Variants in KCNK10 observed in about 807,000 individuals in gnomAD.
KCNK10 encodes potassium two pore domain channel subfamily K member 10, also known as potassium channel subfamily K member 10.
A neutral mutation model predicts 47.7 loss-of-function variants in KCNK10; 25 were observed. The ratio of observed to expected loss-of-function variants is 0.52; its 90% CI spans 0.38 to 0.73. The LOEUF is 0.73. Among genes scored for constraint, KCNK10 ranks in the 30% least tolerant of loss-of-function variants. The pLI is 0.00. For synonymous variants in KCNK10, 303 were observed against 285.6 expected (o/e 1.06, Z -0.61); for missense variants, 563 against 714.5 (o/e 0.79, Z 2.42).
chr14:88,276,735 A>G (rs79362389), intron 1 of KCNK10, among the ~76,000 whole-genome samples: 2 of 152,320 alleles, frequency 1.3e-5, no homozygotes, highest in East Asian at 3.9e-4. Context: ...GAACACTGCT[A>G]CAGAAACCAG....
intron 1 of KCNK10, among the ~76,000 whole-genome samples, chr14:88,292,058 T>C (rs1013247362): frequency 3.3e-5 from 5 of 152,128 alleles, no homozygotes; most frequent in South Asian, 2.1e-4. Flanking sequence ...CTTCACAGGG[T>C]GGCCAAGAAC....
intron 4 of KCNK10, among the ~76,000 whole-genome samples, chr14:88,192,963 G>A (rs1043317554): frequency 5.9e-5 from 9 of 152,184 alleles, no homozygotes; most frequent in Non-Finnish European, 1.3e-4. Context: ...ACCTGTGACC[G>A]ACTCTAGCCA....
chr14:88,269,743 C>T (rs769057075), intron 1 of KCNK10, among the ~76,000 whole-genome samples: 6 of 152,116 alleles, frequency 3.9e-5, no homozygotes, highest in African/African-American at 1.4e-4. Flanking sequence ...AGCCAGTGAA[C>T]CTGTTTTTAT....
At position 88,322,939 on chromosome 14, in the gene KCNK10, C is replaced by A; in HGVS notation, c.-141G>T. ...CCTTGGACTGGCTCGTGGAGGAACC[C>A]CAGAAAAAGACAGGTGGGAAAATAT... On this transcript the variant is annotated 5_prime_UTR_variant, in exon 1 of 7. Coordinates refer to ENST00000319231, the MANE Select transcript of KCNK10 (RefSeq NM_138317.3). The surrounding 1 kb of genome is among the most constrained non-coding windows in gnomAD (Gnocchi z 4.8). 6.7e-7 allele frequency: 1 copy of A among 1,498,398 alleles called. No homozygotes were observed. Among genetic ancestry groups the A allele is most frequent in the South Asian group, 1.3e-5 (1 of 76,032 alleles). The allele number at this position is 1,498,398 out of a possible 1,614,324, so 92.8% of individuals were successfully genotyped here. A position where few individuals can be genotyped will look rare whatever the true frequency, so the allele number is the denominator to read the frequency against.
chr14:88,242,674 T>C (rs1886515496), intron 2 of KCNK10, among the ~76,000 whole-genome samples: 2 of 152,202 alleles, frequency 1.3e-5, no homozygotes, highest in Non-Finnish European at 2.9e-5. Context: ...AGTGGTCACA[T>C]AATCATCAGA....
In KCNK10 at chr14:88,192,330, C is replaced by T. The variant is rs780510535; in HGVS notation, c.762G>A (p.Thr254=). 23 of 1,614,114 alleles carry T rather than the reference C, an allele frequency of 1.4e-5. No homozygotes were observed. Among genetic ancestry groups the T allele is most frequent in the Non-Finnish European group, 1.9e-5 (22 of 1,180,000 alleles). The change falls in exon 5 of 7, where the codon ACG becomes ACA. Residue 254 remains threonine (T), a synonymous_variant. Transcript: ENST00000319231. ...TGTACTTAAAGATGACAGCAGGGAT[C>T]GTCACAAACACAATGCAGCCGGCCA... ...FILAGCIVFV[T]IPAVIFKYIE...
At chr14:88,232,225 T>A (rs1383672927) in intron 3 of KCNK10, among the ~76,000 whole-genome samples, 1 of 152,186 alleles carries the variant, frequency 6.6e-6, no homozygotes, top group African/African-American at 2.4e-5. Context: ...CATCAAAGAA[T>A]ACACTTTTCA....
chr14:88,209,780 T>C (rs986037862), intron 4 of KCNK10, among the ~76,000 whole-genome samples: 1 of 152,222 alleles, frequency 6.6e-6, no homozygotes, highest in African/African-American at 2.4e-5. Context: ...TTACACATCC[T>C]GGGTGCTTGG....
intron 4 of KCNK10, among the ~76,000 whole-genome samples, chr14:88,223,336 C>A (rs1291798127): frequency 2.0e-5 from 3 of 150,292 alleles, no homozygotes; most frequent in Non-Finnish European, 3.0e-5. Flanking sequence ...CTTTACCTCC[C>A]TGAATGCACA....
chr14:88,208,671 T>G (rs1315256779), intron 4 of KCNK10, among the ~76,000 whole-genome samples: 4 of 152,166 alleles, frequency 2.6e-5, no homozygotes, highest in African/African-American at 9.7e-5. Context: ...CACAGCAAAA[T>G]TTATTTTTTA....
At chr14:88,303,747 T>C (rs1888152716) in intron 1 of KCNK10, among the ~76,000 whole-genome samples, 1 of 152,146 alleles carries the variant, frequency 6.6e-6, no homozygotes, top group African/African-American at 2.4e-5. Flanking sequence ...CTAGAAGACT[T>C]GATCTGGGGA....
chr14:88,244,343 A>G (rs1317339537), intron 2 of KCNK10, among the ~76,000 whole-genome samples: 1 of 152,222 alleles, frequency 6.6e-6, no homozygotes, highest in Non-Finnish European at 1.5e-5. Flanking sequence ...GAGCTCAAGT[A>G]AAACATTTTA....
chr14:88,187,636 C>G (rs59027850), intron 6 of KCNK10, among the ~76,000 whole-genome samples: 30,946 of 149,912 alleles, frequency 0.21, 4,165 homozygotes, highest in Non-Finnish European at 0.29. Context: ...CCCCCCCACA[C>G]ACACACTCAG....
intron 4 of KCNK10, among the ~76,000 whole-genome samples, chr14:88,198,000 C>G (rs1006024956): frequency 6.6e-6 from 1 of 152,132 alleles, no homozygotes; most frequent in African/African-American, 2.4e-5. Flanking sequence ...TCCATGGTGC[C>G]CCACCCTGGT....
chr14:88,262,651 G>C (rs539367746), intron 2 of KCNK10, among the ~76,000 whole-genome samples: 1 of 152,230 alleles, frequency 6.6e-6, no homozygotes, highest in South Asian at 2.1e-4. Context: ...TACACAGTAA[G>C]TATTCAAAAA....
At chr14:88,250,692 C>A (rs777578843) in intron 2 of KCNK10, among the ~76,000 whole-genome samples, 5 of 152,136 alleles carry the variant, frequency 3.3e-5, no homozygotes, top group Non-Finnish European at 7.4e-5. Flanking sequence ...GCTATAGATA[C>A]CAAGGGAATC....
At chr14:88,262,113 A>G (rs1381951834) in intron 2 of KCNK10, among the ~76,000 whole-genome samples, 1 of 152,362 alleles carries the variant, frequency 6.6e-6, no homozygotes. Flanking sequence ...TGCAGCCATT[A>G]GAATTTAATG....
intron 1 of KCNK10, among the ~76,000 whole-genome samples, chr14:88,309,978 C>A (rs1888278029): frequency 6.6e-6 from 1 of 152,004 alleles, no homozygotes; most frequent in South Asian, 2.1e-4. Flanking sequence ...CCACTTGACA[C>A]CAGCCTATCA....
intron 4 of KCNK10, among the ~76,000 whole-genome samples, chr14:88,192,856 G>A (rs1343644397): frequency 2.0e-5 from 3 of 152,146 alleles, no homozygotes; most frequent in Admixed American, 6.5e-5. Flanking sequence ...GATTTGCACC[G>A]TTTCCCTTGT....
Sources: gnomAD v4.1 joint callset for allele counts (sites outside exome capture counted in the v4.1 genomes callset) on GRCh38, gnomAD v4.1.1 for gene constraint, Gnocchi (gnomAD v3.1) non-coding constraint, MANE v1.5 for transcripts, NCBI Gene and HGNC (gene_info 2026-07-23, HGNC 2026-07-21) for gene names.